The following KATNAL2 variants were observed in gnomAD, a reference collection of about 807,000 sequenced individuals.
KATNAL2 encodes the protein katanin catalytic subunit A1 like 2.
KATNAL2 carries 52 observed loss-of-function variants against 76.3 expected under a neutral mutation model. The observed-to-expected ratio is 0.68, with a 90% confidence interval of 0.55 to 0.86. The LOEUF (loss-of-function observed/expected upper bound fraction) is 0.86. Among genes scored for constraint, KATNAL2 ranks in the 40% least tolerant of loss-of-function variants. KATNAL2 has a pLI of 0.00. For missense variants in KATNAL2, 660 were observed against 668.9 expected (o/e 0.99, Z 0.15); for synonymous variants, 243 against 244.2 (o/e 1.00, Z 0.05).
chr18:47,061,136 C>T (rs1358091804), intron 8 of KATNAL2, among the ~76,000 whole-genome samples: 2 of 152,216 alleles, frequency 1.3e-5, no homozygotes, highest in East Asian at 1.9e-4. Context: ...GGGCCAATCT[C>T]AGAAAACCCC....
At chr18:47,094,289 C>T (rs1161286294) in intron 15 of KATNAL2, among the ~76,000 whole-genome samples, 1 of 152,158 alleles carries the variant, frequency 6.6e-6, no homozygotes, top group African/African-American at 2.4e-5. Context: ...TATGAAATTT[C>T]TGTTCTTGAT....
At chr18:47,051,912 A>G (rs1277147654) in intron 4 of KATNAL2, among the ~76,000 whole-genome samples, 2 of 152,166 alleles carry the variant, frequency 1.3e-5, no homozygotes, top group African/African-American at 4.8e-5. Context: ...GAAAGAAAGA[A>G]AGAGAGAGAA....
In KATNAL2 at chr18:47,101,300, T is replaced by C; in HGVS notation, c.*295T>C. The C allele has an allele frequency of 7.1e-6, 2 of 281,910 alleles. No individual in the cohort carries two copies. The highest frequency in any genetic ancestry group is 1.4e-5 in the Non-Finnish European group (2 of 145,264). 17.5% of individuals were successfully genotyped at this position (281,910 alleles called of 1,614,324 possible). ...TAAAATTTTAATGAACAATTTTCTG[T>C]AATGTTACTCATTTGTAAACTTTTT... On this transcript the variant is annotated 3_prime_UTR_variant, in exon 18 of 18. Transcript: ENST00000683218.
At chr18:46,946,770 C>T (rs2059391358) in intron 2 of KATNAL2, 84 bp from the exon 3 acceptor site, 1 of 1,305,606 alleles carries the variant, frequency 7.7e-7, no homozygotes, top group Non-Finnish European at 1.1e-6. Flanking sequence ...CTAGCCAATC[C>T]GGAAAGGGGC....
chr18:47,032,267 G>A (rs2060502576), intron 3 of KATNAL2, among the ~76,000 whole-genome samples: 1 of 152,176 alleles, frequency 6.6e-6, no homozygotes, highest in African/African-American at 2.4e-5. Context: ...TTTTCTTTGA[G>A]CCATGCTCAG....
At chr18:47,055,615 T>C (rs2061449849) in intron 6 of KATNAL2, among the ~76,000 whole-genome samples, 1 of 152,238 alleles carries the variant, frequency 6.6e-6, no homozygotes, top group African/African-American at 2.4e-5. Flanking sequence ...TTTTATCGCT[T>C]TGACAAAAGT....
intron 13 of KATNAL2, among the ~76,000 whole-genome samples, chr18:47,070,866 C>G (rs912076761): frequency 1.3e-5 from 2 of 152,134 alleles, no homozygotes; most frequent in African/African-American, 2.4e-5. Context: ...TTGATATCTT[C>G]TATTTCTTTG....
intron 3 of KATNAL2, among the ~76,000 whole-genome samples, chr18:47,039,337 C>G (rs542187500): frequency 1.3e-5 from 2 of 152,240 alleles, no homozygotes; most frequent in East Asian, 3.9e-4. Context: ...ATTTTAGAAC[C>G]TTTTCATTAG....
Position 47,101,009 on chromosome 18 carries a change from C to T in KATNAL2, c.*4C>T, listed in dbSNP as rs772643918. On this transcript the variant is annotated 3_prime_UTR_variant, in exon 18 of 18. Transcript: ENST00000683218. ...AAGAGAGTTCGAGTCTGTCTGAAAC[C>T]ACATTTACCCTGACCTGGCCACAAA... 2.0e-5 allele frequency: 33 copies of T among 1,613,790 alleles called. No individual in the cohort carries two copies. The highest frequency in any genetic ancestry group is 2.4e-5 in the Non-Finnish European group (28 of 1,179,958).
intron 13 of KATNAL2, among the ~76,000 whole-genome samples, chr18:47,070,042 T>C (rs1453003119): frequency 6.6e-6 from 1 of 152,070 alleles, no homozygotes; most frequent in East Asian, 1.9e-4. Context: ...TTCTTTCAGA[T>C]GTTCTGAGCA....
intron 15 of KATNAL2, among the ~76,000 whole-genome samples, chr18:47,088,293 C>A (rs2062860234): frequency 6.6e-6 from 1 of 152,116 alleles, no homozygotes; most frequent in Admixed American, 6.6e-5. Context: ...TCCTCAAGTC[C>A]CAAGGTCCCT....
In KATNAL2 at chr18:47,101,922, G is replaced by C. The variant is rs1018095761; in HGVS notation, c.*917G>C. 5.3e-5 allele frequency: 8 copies of C among 152,128 alleles called. No homozygotes were observed. The highest frequency in any genetic ancestry group is 1.9e-4 in the African/African-American group (8 of 41,432). The allele number at this position is 152,128 out of a possible 1,614,324, so 9.4% of individuals were successfully genotyped here. The stretch of plus-strand genomic sequence containing the variant: ...CTACTTTCAACCCTTGATAAATTTT[G>C]AAGGCTTCTACTAAGTAATGCCACT... On this transcript the variant is annotated 3_prime_UTR_variant, in exon 18 of 18. Coordinates refer to ENST00000683218, the MANE Select transcript of KATNAL2 (RefSeq NM_001387690.1).
Position 47,078,318 on chromosome 18 carries a change from CA to C in KATNAL2, c.1211+860del, listed in dbSNP as rs1364198962. Among the ~76,000 whole-genome samples the C allele has an allele frequency of 5.9e-5, 9 of 152,218 alleles. No individual in the cohort carries two copies. In the East Asian group the frequency reaches 1.7e-3, roughly 29 times the overall value. The stretch of plus-strand genomic sequence containing the variant: ...CATGCTAATTATCTGGGACCCCCCC[CA>C]AACCAGAAGTCATTGAAAAAAACCA... On this transcript the variant is annotated intron_variant, in intron 15 of 17. Transcript: ENST00000683218.
intron 15 of KATNAL2, among the ~76,000 whole-genome samples, chr18:47,085,112 C>T (rs2062714615): frequency 6.6e-6 from 1 of 152,134 alleles, no homozygotes; most frequent in African/African-American, 2.4e-5. Context: ...AGAAGTGATA[C>T]TAATTTGGAA....
chr18:46,961,782 T>G (rs967406728), intron 3 of KATNAL2, among the ~76,000 whole-genome samples: 2 of 152,074 alleles, frequency 1.3e-5, no homozygotes, highest in African/African-American at 4.8e-5. Flanking sequence ...CCAGTCTATT[T>G]TGATAAATGG....
chr18:47,033,315 C>A (rs1445000148), intron 3 of KATNAL2: 1 of 1,613,552 alleles, frequency 6.2e-7, no homozygotes, highest in African/African-American at 1.3e-5. Flanking sequence ...TATCATAAGG[C>A]GTCTTGGCCA....
intron 3 of KATNAL2, chr18:47,033,999 C>G (rs770539652): frequency 1.2e-6 from 2 of 1,613,956 alleles, no homozygotes; most frequent in South Asian, 2.2e-5. Flanking sequence ...AATCCCAGGA[C>G]TCACGAGTGC....
intron 7 of KATNAL2, among the ~76,000 whole-genome samples, chr18:47,059,094 C>T (rs906984427): frequency 1.3e-5 from 2 of 152,192 alleles, no homozygotes; most frequent in African/African-American, 2.4e-5. Flanking sequence ...AGGATTCTCT[C>T]CCCCTCAAGG....
intron 13 of KATNAL2, among the ~76,000 whole-genome samples, chr18:47,073,039 T>C (rs1391193645): frequency 6.6e-6 from 1 of 152,090 alleles, no homozygotes; most frequent in Non-Finnish European, 1.5e-5. Context: ...TTGTACGAAG[T>C]AGAATCGCCA....
Sources: gnomAD v4.1 joint callset for allele counts (sites outside exome capture counted in the v4.1 genomes callset) on GRCh38, gnomAD v4.1.1 for gene constraint, MANE v1.5 for transcripts, NCBI Gene and HGNC (gene_info 2026-07-23, HGNC 2026-07-21) for gene names.